Variants in SYNPO2 observed in about 807,000 individuals in gnomAD.
SYNPO2 encodes synaptopodin-2.
In SYNPO2, 56 loss-of-function variants were observed where a neutral mutation model predicts 85.0. That is an observed-to-expected ratio of 0.66 (90% CI 0.53 to 0.82). The LOEUF (loss-of-function observed/expected upper bound fraction) is 0.82, where lower values mean the gene tolerates loss of function less well. Among genes scored for constraint, SYNPO2 ranks in the 40% least tolerant of loss-of-function variants. The pLI is 0.00. For synonymous variants in SYNPO2, 602 were observed against 591.1 expected (o/e 1.02, Z -0.27); for missense variants, 1,575 against 1,534.2 (o/e 1.03, Z -0.44).
chr4:119,032,895 A>G (rs1230982934), intron 4 of SYNPO2: 2 of 959,254 alleles, frequency 2.1e-6, no homozygotes, highest in South Asian at 4.8e-5. Flanking sequence ...TAAATGGGAT[A>G]AGGAAAGAAG....
intron 1 of SYNPO2, among the ~76,000 whole-genome samples, chr4:118,871,320 G>T (rs1259255063): frequency 6.6e-6 from 1 of 150,850 alleles, no homozygotes; most frequent in Admixed American, 6.6e-5. Flanking sequence ...CAAAGTGCTG[G>T]AATTACAGGA....
intron 1 of SYNPO2, among the ~76,000 whole-genome samples, chr4:118,977,389 C>A (rs1425484164): frequency 6.6e-6 from 1 of 152,240 alleles, no homozygotes; most frequent in Non-Finnish European, 1.5e-5. Flanking sequence ...CCAGCTGGCC[C>A]GCAAGCGCGG....
intron 1 of SYNPO2, among the ~76,000 whole-genome samples, chr4:118,960,160 C>T (rs940388535): frequency 6.6e-6 from 1 of 152,054 alleles, no homozygotes; most frequent in Non-Finnish European, 1.5e-5. Context: ...GGGATGCGGC[C>T]CTGCTGACAC....
chr4:118,912,588 A>G (rs942577198), intron 1 of SYNPO2, among the ~76,000 whole-genome samples: 6 of 152,196 alleles, frequency 3.9e-5, no homozygotes, highest in African/African-American at 1.4e-4. Context: ...CCTTGTTTCT[A>G]TGACAGCTGT....
In SYNPO2 at chr4:118,933,021, A is replaced by C. The variant is rs1455699166; in HGVS notation, c.105+43880A>C. 2.0e-5 allele frequency among the ~76,000 whole-genome samples: 3 copies of C among 152,220 alleles called. No individual in the cohort carries two copies. The East Asian group carries it at 5.8e-4, about 29-fold the overall frequency. Reference sequence around the variant, plus strand: ...TTTTTCTAGGAGGAGCACTAAGAAAAAGGCCATAAAAATAAATAATGTTCA... The same window carrying C: ...TTTTTCTAGGAGGAGCACTAAGAAACAGGCCATAAAAATAAATAATGTTCA... On this transcript the variant is annotated intron_variant, in intron 1 of 4. Transcript: ENST00000307142.
intron 1 of SYNPO2, among the ~76,000 whole-genome samples, chr4:118,880,147 G>C (rs531479439): frequency 6.6e-6 from 1 of 152,276 alleles, no homozygotes; most frequent in South Asian, 2.1e-4. Flanking sequence ...TAAGGGTCTG[G>C]CTACTTGCTC....
chr4:118,894,419 G>C (rs937010779), intron 1 of SYNPO2, among the ~76,000 whole-genome samples: 2 of 152,134 alleles, frequency 1.3e-5, no homozygotes, highest in Non-Finnish European at 2.9e-5. Context: ...AATGATTACT[G>C]TAAAGATCAG....
intron 1 of SYNPO2, among the ~76,000 whole-genome samples, chr4:118,901,820 C>T (rs977188865): frequency 1.3e-5 from 2 of 152,198 alleles, no homozygotes; most frequent in African/African-American, 4.8e-5. Context: ...CTGTCTGGCC[C>T]ACAGACCAGA....
chr4:119,010,598 C>G (rs1737257016), intron 1 of SYNPO2, among the ~76,000 whole-genome samples: 1 of 152,162 alleles, frequency 6.6e-6, no homozygotes, highest in African/African-American at 2.4e-5. Flanking sequence ...GAAACTGTCT[C>G]CTTTGAGAAG....
intron 1 of SYNPO2, among the ~76,000 whole-genome samples, chr4:119,010,149 A>C (rs898165575): frequency 6.6e-6 from 1 of 152,174 alleles, no homozygotes; most frequent in Admixed American, 6.5e-5. Flanking sequence ...AGTGTTTACT[A>C]TGTGTTAGGC....
chr4:118,951,075 T>G (rs987013062), intron 1 of SYNPO2, among the ~76,000 whole-genome samples: 1 of 152,210 alleles, frequency 6.6e-6, no homozygotes, highest in Non-Finnish European at 1.5e-5. Context: ...GGTCTTGCTA[T>G]TTATATCTCC....
At chr4:118,895,676 C>G (rs1279488728) in intron 1 of SYNPO2, among the ~76,000 whole-genome samples, 1 of 152,194 alleles carries the variant, frequency 6.6e-6, no homozygotes, top group African/African-American at 2.4e-5. Flanking sequence ...TGGTTCAAAT[C>G]TAGCCACCTT....
intron 1 of SYNPO2, among the ~76,000 whole-genome samples, chr4:118,931,481 A>G (rs1467456341): frequency 6.6e-6 from 1 of 152,222 alleles, no homozygotes; most frequent in African/African-American, 2.4e-5. Context: ...TTTATACAAT[A>G]TAGCCATGAT....
In SYNPO2 at chr4:119,030,736, C is replaced by G; in HGVS notation, c.1961C>G (p.Pro654Arg). 1.2e-6 allele frequency: 2 copies of G among 1,614,172 alleles called. No homozygotes were observed. The highest frequency in any genetic ancestry group is 8.5e-7 in the Non-Finnish European group (1 of 1,180,040). ...AQPPPWPQPA[P>R]WSQPAFYDSS... Reference sequence around the variant, plus strand: ...CCCCCTCCATGGCCCCAGCCTGCCCCGTGGTCCCAGCCAGCCTTTTACGAT... The same window carrying G: ...CCCCCTCCATGGCCCCAGCCTGCCCGGTGGTCCCAGCCAGCCTTTTACGAT... Residue 654 changes from proline to arginine, a missense_variant, in exon 4 of 5, where the codon CCG (proline) becomes CGG (arginine). Pro to Arg is a moderately radical substitution (Grantham distance 103). Transcript: ENST00000307142.
chr4:118,930,340 T>G (rs538149471), intron 1 of SYNPO2, among the ~76,000 whole-genome samples: 3 of 152,344 alleles, frequency 2.0e-5, no homozygotes, highest in Admixed American at 6.5e-5. Context: ...GTTATCATAT[T>G]TTAGTACTTT....
intron 1 of SYNPO2, among the ~76,000 whole-genome samples, chr4:118,872,636 C>T (rs146027306): frequency 9.9e-4 from 150 of 152,284 alleles, no homozygotes; most frequent in Non-Finnish European, 1.8e-3. Context: ...CATTACTCCT[C>T]TTGCTTTCTG....
intron 1 of SYNPO2, among the ~76,000 whole-genome samples, chr4:118,920,434 A>C (rs1470300872): frequency 4.6e-5 from 7 of 152,138 alleles, no homozygotes; most frequent in Non-Finnish European, 1.0e-4. Flanking sequence ...GTCATAAAAA[A>C]CAACTTTTAT....
chr4:119,020,167 G>A (rs1737664926), intron 1 of SYNPO2, among the ~76,000 whole-genome samples: 1 of 152,106 alleles, frequency 6.6e-6, no homozygotes, highest in Non-Finnish European at 1.5e-5. Flanking sequence ...AAAAAATGGA[G>A]AAAGAGTAGT....
chr4:118,999,378 C>T (rs1278093514), intron 1 of SYNPO2, among the ~76,000 whole-genome samples: 3 of 152,030 alleles, frequency 2.0e-5, no homozygotes, highest in African/African-American at 7.2e-5. Flanking sequence ...TCTCAAGCTC[C>T]TGGGTTCAAA....
Sources: allele counts gnomAD v4.1 joint callset (sites outside exome capture counted in the v4.1 genomes callset), GRCh38; gene constraint gnomAD v4.1.1; transcripts MANE v1.5; gene names NCBI Gene and HGNC (gene_info 2026-07-23, HGNC 2026-07-21).